ELFN1: variants seen among roughly 807,000 people sequenced by gnomAD.
ELFN1 encodes the protein protein ELFN1.
ELFN1 carries 6 observed loss-of-function variants against 7.6 expected under a neutral mutation model. The observed-to-expected ratio is 0.79, with a 90% CI of 0.43 to 1.56. The LOEUF (loss-of-function observed/expected upper bound fraction) is 1.56, where lower values mean the gene tolerates loss of function less well. Among genes scored for constraint, ELFN1 ranks in the 40% most tolerant of loss-of-function variants. The pLI is 0.01. For synonymous variants in ELFN1, 657 were observed against 588.1 expected (o/e 1.12, Z -1.70); for missense variants, 1,169 against 1,232.2 (o/e 0.95, Z 0.77).
intron 2 of ELFN1, among the ~76,000 whole-genome samples, chr7:1,696,200 G>A (rs1159098850): frequency 6.6e-6 from 1 of 151,768 alleles, no homozygotes; most frequent in Admixed American, 6.6e-5. Flanking sequence ...GTGTGCGTGT[G>A]TATGTGAGAG....
intron 1 of ELFN1, among the ~76,000 whole-genome samples, chr7:1,676,389 G>T (rs1393204274): frequency 6.6e-6 from 1 of 152,150 alleles, no homozygotes; most frequent in Non-Finnish European, 1.5e-5. Flanking sequence ...TCATGGGGTG[G>T]CCCGGGCTGG....
At chr7:1,699,449 G>A (rs750121618) in intron 2 of ELFN1, among the ~76,000 whole-genome samples, 11 of 152,094 alleles carry the variant, frequency 7.2e-5, no homozygotes, top group Admixed American at 1.3e-4. Flanking sequence ...ACAAGTCTGG[G>A]CAACATAGTG....
intron 2 of ELFN1, among the ~76,000 whole-genome samples, chr7:1,699,705 C>A (rs1320507923): frequency 6.6e-6 from 1 of 152,112 alleles, no homozygotes; most frequent in Non-Finnish European, 1.5e-5. Context: ...TTTAGTCATT[C>A]TCCTACTTTT....
intron 3 of ELFN1, among the ~76,000 whole-genome samples, chr7:1,744,045 CTG>C (rs1046527367): frequency 1.3e-5 from 2 of 152,176 alleles, no homozygotes; most frequent in African/African-American, 2.4e-5. Flanking sequence ...GATGAGGAAA[CTG>C]AGGCCGAGAG....
chr7:1,712,593 G>A (rs1192741627), intron 3 of ELFN1, among the ~76,000 whole-genome samples: 2 of 151,362 alleles, frequency 1.3e-5, no homozygotes, highest in Non-Finnish European at 2.9e-5. Flanking sequence ...TGCCATGCCC[G>A]GCTAATTTTT....
chr7:1,726,058 TACAC>T (rs571977372), intron 3 of ELFN1, among the ~76,000 whole-genome samples: 57 of 151,308 alleles, frequency 3.8e-4, no homozygotes, highest in East Asian at 3.7e-3. Flanking sequence ...TCACACACAA[TACAC>T]ACACACACAA....
At chr7:1,719,399 C>CA (rs942400049) in intron 3 of ELFN1, among the ~76,000 whole-genome samples, 1 of 152,040 alleles carries the variant, frequency 6.6e-6, no homozygotes, top group Non-Finnish European at 1.5e-5. Flanking sequence ...CCTCGCCCAC[C>CA]AACAGGGCCC....
chr7:1,696,006 T>A (rs1467817248), intron 2 of ELFN1, among the ~76,000 whole-genome samples: 1 of 152,098 alleles, frequency 6.6e-6, no homozygotes, highest in Non-Finnish European at 1.5e-5. Flanking sequence ...CCGGCTCTCA[T>A]AACAAAAGCG....
chr7:1,696,316 G>C (rs1001810070), intron 2 of ELFN1, among the ~76,000 whole-genome samples: 78 of 151,770 alleles, frequency 5.1e-4, no homozygotes, highest in African/African-American at 1.9e-3. Flanking sequence ...AAGAGGGAGG[G>C]AGAGATGGAG....
rs977431847 is a variant in ELFN1 at position 1,705,654 on chromosome 7, G to C, written c.-455-3437G>C. Reference sequence around the variant, plus strand: ...CCTCTGGGGGCTGCTGTCCCTCTGGGCCCTTGCCCTTTCTGGCCCTGCCCT... The same window carrying C: ...CCTCTGGGGGCTGCTGTCCCTCTGGCCCCTTGCCCTTTCTGGCCCTGCCCT... On this transcript the variant is annotated intron_variant, in intron 2 of 3. Coordinates refer to ENST00000424383, the MANE Select transcript of ELFN1 (RefSeq NM_001128636.4). This position sits in a 1 kb window ranked among gnomAD's most constrained non-coding sequence, Gnocchi z 4.3. 1.3e-5 allele frequency among the ~76,000 whole-genome samples: 2 copies of C among 152,240 alleles called. No homozygotes were observed. Among genetic ancestry groups the C allele is most frequent in the Non-Finnish European group, 1.5e-5 (1 of 68,038 alleles).
In ELFN1 at chr7:1,744,927, C is replaced by A; in HGVS notation, c.331C>A (p.Gln111Lys). The change falls in exon 4 of 4, where the codon CAG becomes AAG. Residue 111 changes from glutamine to lysine, a missense_variant. Gln to Lys is a moderately conservative substitution (Grantham distance 53). Transcript: ENST00000424383. ...DGAFSGQFNL[Q>K]VLQLGYNRLR... ...CGCCTTCTCGGGCCAGTTCAACCTG[C>A]AGGTGCTGCAGCTGGGCTACAACCG... is the stretch of plus-strand genomic sequence containing the variant. 1 of 1,552,516 alleles carries A rather than the reference C, an allele frequency of 6.4e-7. No homozygotes were observed. The highest frequency in any genetic ancestry group is 8.7e-7 in the Non-Finnish European group (1 of 1,147,456).
chr7:1,685,097 C>T (rs1383847119), intron 1 of ELFN1, among the ~76,000 whole-genome samples: 1 of 152,156 alleles, frequency 6.6e-6, no homozygotes, highest in Non-Finnish European at 1.5e-5. Context: ...TGCTTTCATT[C>T]TTGGCTAACA....
intron 3 of ELFN1, among the ~76,000 whole-genome samples, chr7:1,728,162 C>T (rs1780246703): frequency 2.1e-4 from 1 of 4,860 alleles, no homozygotes; most frequent in Admixed American, 1.6e-3. Context: ...TCCCTTAGGG[C>T]GCCAAACGGG....
At chr7:1,716,191 A>C (rs188323938) in intron 3 of ELFN1, among the ~76,000 whole-genome samples, 40 of 151,312 alleles carry the variant, frequency 2.6e-4, no homozygotes, top group Non-Finnish European at 1.5e-5. Flanking sequence ...TGCCCACCCC[A>C]AGGTTCTGCC....
At chr7:1,707,943 C>A (rs1779570103) in intron 2 of ELFN1, among the ~76,000 whole-genome samples, 1 of 152,196 alleles carries the variant, frequency 6.6e-6, no homozygotes, top group Non-Finnish European at 1.5e-5. Context: ...CCCCTCCTGG[C>A]CCCCACTAGG....
chr7:1,680,069 GATTC>G (rs1484128294), intron 1 of ELFN1, among the ~76,000 whole-genome samples: 1 of 152,344 alleles, frequency 6.6e-6, no homozygotes, highest in African/African-American at 2.4e-5. Context: ...TTCATTCACT[GATTC>G]ATTCATTCAT....
intron 2 of ELFN1, among the ~76,000 whole-genome samples, chr7:1,708,709 CTCTGGGGCTGTAGCCCCAGAAGT>C (rs149234332): frequency 0.013 from 1,945 of 151,302 alleles, 48 homozygotes; most frequent in African/African-American, 0.045. Context: ...GCCCCAGAGG[CTCTGGGGCTGTAGCCCCAGAAGT>C]GAGCCCCACC....
intron 3 of ELFN1, among the ~76,000 whole-genome samples, chr7:1,728,533 C>T (rs1332056303): frequency 2.0e-5 from 3 of 152,322 alleles, no homozygotes; most frequent in Admixed American, 6.5e-5. Flanking sequence ...ACTGCCCCAG[C>T]GCTCAGGGTC....
At chr7:1,719,787 A>G (rs1376765651) in intron 3 of ELFN1, among the ~76,000 whole-genome samples, 2 of 152,056 alleles carry the variant, frequency 1.3e-5, no homozygotes, top group East Asian at 1.9e-4. Flanking sequence ...CTCCCCTACC[A>G]TCACCTCTGC....
Sources: allele counts gnomAD v4.1 joint callset (sites outside exome capture counted in the v4.1 genomes callset), GRCh38; gene constraint gnomAD v4.1.1; non-coding constraint Gnocchi (gnomAD v3.1); transcripts MANE v1.5; gene names NCBI Gene and HGNC (gene_info 2026-07-23, HGNC 2026-07-21).